Variants in AVIL observed in about 807,000 individuals in gnomAD.
AVIL encodes advillin.
Under a neutral mutation model 109.9 loss-of-function variants are expected in AVIL, and 78 were observed. The ratio of observed to expected loss-of-function variants is 0.71; its 90% CI spans 0.59 to 0.86. The LOEUF is 0.86. Among genes scored for constraint, AVIL ranks in the 40% least tolerant of loss-of-function variants. The pLI is 0.00. For synonymous variants in AVIL, 367 were observed against 379.1 expected (o/e 0.97, Z 0.37); for missense variants, 892 against 1,016.5 (o/e 0.88, Z 1.67).
chr12:57,810,344 C>G lies in AVIL; in HGVS notation c.761+5G>C. 6.2e-7 allele frequency: 1 copy of G among 1,614,126 alleles called. No homozygotes were observed. The highest frequency in any genetic ancestry group is 8.5e-7 in the Non-Finnish European group (1 of 1,179,988). On this transcript the variant is annotated splice_donor_5th_base_variant and intron_variant, in intron 7 of 19. Transcript: ENST00000549994. ...TTCCAGCTAAAACCAGGTTGAGCTA[C>G]TCACTGATACAACATGATAGTTGAT...
rs780121382 is a variant in AVIL at position 57,814,178 on chromosome 12, C to T, written c.115G>A (p.Glu39Lys). 1.9e-6 allele frequency: 3 copies of T among 1,613,368 alleles called. No individual in the cohort carries two copies. In the South Asian group the frequency reaches 3.3e-5, roughly 18 times the overall value. ...GAGAGGATGACGTAGCAGTCCCCCT[C>T]ATAGAAGTTGCCGTGGGCGCTCACA... Reference protein sequence around the residue: ...VPVSAHGNFYEGDCYVILSTR... With the variant: ...VPVSAHGNFYKGDCYVILSTR... Residue 39 changes from glutamate to lysine, a missense_variant, in exon 3 of 20, where the codon GAG becomes AAG. Physicochemically the swap from Glu to Lys is moderately conservative, Grantham distance 56. Coordinates refer to ENST00000549994, the MANE Select transcript of AVIL (RefSeq NM_006576.4).
chr12:57,804,744 G>A (rs1002916414), intron 14 of AVIL, among the ~76,000 whole-genome samples: 1 of 152,016 alleles, frequency 6.6e-6, no homozygotes, highest in African/African-American at 2.4e-5. Context: ...AGGAGGCAGA[G>A]GTTGCAGTGA....
chr12:57,803,642 C>CCATT lies in AVIL; in HGVS notation c.1695_1698dup (p.Ala567AsnfsTer3). The CCATT allele has an allele frequency of 1.2e-6, 2 of 1,614,156 alleles. No individual in the cohort carries two copies. Among genetic ancestry groups the CCATT allele is most frequent in the Non-Finnish European group, 1.7e-6 (2 of 1,180,030 alleles). On this transcript the variant is annotated frameshift_variant, in exon 15 of 20. Transcript: ENST00000549994. LOFTEE classifies it high-confidence loss of function. Reference sequence around the variant, plus strand: ...CAGAGAAGGCTGGCCAGCTCCTTAGCCATTGCCCGCTCATCCCCACTAGAC... The same window carrying CCATT: ...CAGAGAAGGCTGGCCAGCTCCTTAGCCATTCATTGCCCGCTCATCCCCACTAGAC...
At chr12:57,803,827 G>A (rs1955898755) in intron 14 of AVIL, 158 bp from the exon 15 acceptor site, 8 of 1,003,556 alleles carry the variant, frequency 8.0e-6, no homozygotes, top group Admixed American at 2.8e-5. Context: ...CTAGTGCTGG[G>A]GAGTGGGGAG....
In AVIL at chr12:57,807,731, G is replaced by A. The variant is rs749841693; in HGVS notation, c.1195-4C>T. 5 of 1,613,762 alleles carry A rather than the reference G, an allele frequency of 3.1e-6. No individual in the cohort carries two copies. The highest frequency in any genetic ancestry group is 2.7e-5 in the African/African-American group (2 of 74,934). On this transcript the variant is annotated splice_polypyrimidine_tract_variant and splice_region_variant and intron_variant, in intron 11 of 19. Transcript: ENST00000549994. ...CCAGGTTCTCAATTCTCCAGACCTGGGCATAGAAGGAGACACCGTTTTCCA... is the reference window on the plus strand; with the variant it reads ...CCAGGTTCTCAATTCTCCAGACCTGAGCATAGAAGGAGACACCGTTTTCCA...
At position 57,810,515 on chromosome 12, in the gene AVIL, G is replaced by T; in HGVS notation, c.595C>A (p.Arg199=). 6.2e-7 allele frequency: 1 copy of T among 1,613,920 alleles called. No homozygotes were observed. The highest frequency in any genetic ancestry group is 1.1e-5 in the South Asian group (1 of 91,062). Residue 199 remains arginine (R), a synonymous_variant, in exon 7 of 20, where the codon CGA becomes AGA. Coordinates refer to ENST00000549994, the MANE Select transcript of AVIL (RefSeq NM_006576.4). The part of the protein sequence containing the change: ...LLAKDIRDRE[R]GGRAKIGVIE... ...ACTCCTATTTTAGCACGGCCCCCTCGCTCCCTGTCTCGAATATCCTTTGCC... is the reference window on the plus strand; with the variant it reads ...ACTCCTATTTTAGCACGGCCCCCTCTCTCCCTGTCTCGAATATCCTTTGCC...
intron 18 of AVIL, chr12:57,800,172 G>T: frequency 2.5e-6 from 1 of 393,692 alleles, no homozygotes; most frequent in Non-Finnish European, 4.6e-6. Flanking sequence ...AGCTAGTTTG[G>T]CATACATCTT....
chr12:57,805,722 A>T (rs1226909371), intron 14 of AVIL: 1 of 150,508 alleles, frequency 6.6e-6, no homozygotes, highest in Non-Finnish European at 1.5e-5. Flanking sequence ...TTTTTAGTAG[A>T]GACGGGGTTT....
chr12:57,806,359 C>T lies in AVIL; in HGVS notation c.1671+1G>A. On this transcript the variant is annotated splice_donor_variant, in intron 14 of 19. Transcript: ENST00000549994. LOFTEE classifies it high-confidence loss of function. ...TCTGACCCGGGGCCCAGCCATCCTA[C>T]CTTGCCATACCACAGGTAGTGCTCT... The T allele has an allele frequency of 6.2e-7, 1 of 1,614,018 alleles. No individual in the cohort carries two copies. Among genetic ancestry groups the T allele is most frequent in the African/African-American group, 1.3e-5 (1 of 74,992 alleles).
At chr12:57,817,202 A>G (rs1183342771) in intron 1 of AVIL, among the ~76,000 whole-genome samples, 2 of 152,020 alleles carry the variant, frequency 1.3e-5, no homozygotes, top group African/African-American at 4.8e-5. Flanking sequence ...GGCAAAGGAA[A>G]AAGGATGGGG....
In AVIL at chr12:57,807,656, G is replaced by A; in HGVS notation, c.1266C>T (p.Asp422=). 6.2e-7 allele frequency: 1 copy of A among 1,614,188 alleles called. No individual in the cohort carries two copies. Among genetic ancestry groups the A allele is most frequent in the Non-Finnish European group, 8.5e-7 (1 of 1,180,038 alleles). ...YQWYGFFYGG[D]CYLVLYTYEV... is the part of the protein sequence containing the mutation. ...CGTATGTGTAGAGGACCAGATAACA[G>A]TCTCCCCCATAAAAGAAGCCATACC... Residue 422 remains aspartate, a synonymous_variant, in exon 12 of 20, where the codon GAC becomes GAT. Transcript: ENST00000549994.
At chr12:57,810,682 ACT>A (rs1956025048) in intron 6 of AVIL, 131 bp from the exon 7 acceptor site, 3 of 1,366,696 alleles carry the variant, frequency 2.2e-6, no homozygotes, top group South Asian at 2.5e-5. Flanking sequence ...TGAGTCACAA[ACT>A]CACACACTTG....
At chr12:57,805,805 G>A (rs916319521) in intron 14 of AVIL, 1 of 150,060 alleles carries the variant, frequency 6.7e-6, no homozygotes, top group African/African-American at 2.5e-5. Flanking sequence ...AAAGTGCTGG[G>A]ATTACAAGTG....
intron 14 of AVIL, 130 bp downstream of exon 14, chr12:57,806,230 G>T: frequency 1.1e-6 from 1 of 909,416 alleles, no homozygotes; most frequent in Non-Finnish European, 1.7e-6. Flanking sequence ...TATCATTCCA[G>T]TTTTAGTATA....
chr12:57,815,863 C>T, intron 2 of AVIL, 112 bp downstream of exon 2: 7 of 1,567,116 alleles, frequency 4.5e-6, no homozygotes, highest in Non-Finnish European at 6.1e-6. Context: ...CTCTCATTCT[C>T]CTCAAACCAT....
At chr12:57,815,699 G>T in intron 2 of AVIL, 2 of 1,380,016 alleles carry the variant, frequency 1.4e-6, no homozygotes, top group Non-Finnish European at 1.9e-6. Context: ...TTTCCTGCAA[G>T]TGCAGACTCA....
At chr12:57,811,173 G>A in intron 4 of AVIL, 46 bp from the exon 5 acceptor site, 1 of 1,570,708 alleles carries the variant, frequency 6.4e-7, no homozygotes, top group Non-Finnish European at 8.8e-7. Flanking sequence ...CTATGTGCTA[G>A]GTTCTGGGGA....
At chr12:57,815,498 G>C in intron 2 of AVIL, 1 of 1,059,230 alleles carries the variant, frequency 9.4e-7, no homozygotes, top group South Asian at 1.6e-5. Context: ...TGGATTGCTG[G>C]AGCTCACAGC....
Position 57,816,078 on chromosome 12 carries a change from A to G in AVIL, c.-19-19T>C. 1 of 1,582,974 alleles carries G rather than the reference A, an allele frequency of 6.3e-7. No individual in the cohort carries two copies. Among genetic ancestry groups the G allele is most frequent in the Non-Finnish European group, 8.6e-7 (1 of 1,161,518 alleles). ...TCCAGGACTGAAACATCACAGAACAAGAGGGGAGATGATATCTCTTGCCAT... is the reference window on the plus strand; with the variant it reads ...TCCAGGACTGAAACATCACAGAACAGGAGGGGAGATGATATCTCTTGCCAT... On this transcript the variant is annotated intron_variant, in intron 1 of 19. Coordinates refer to ENST00000549994, the MANE Select transcript of AVIL (RefSeq NM_006576.4).
Sources: gnomAD v4.1 joint callset for allele counts (sites outside exome capture counted in the v4.1 genomes callset) on GRCh38, gnomAD v4.1.1 for gene constraint, MANE v1.5 for transcripts, NCBI Gene and HGNC (gene_info 2026-07-23, HGNC 2026-07-21) for gene names.